TSPEAR: variants seen among roughly 807,000 people sequenced by gnomAD.
TSPEAR encodes the protein thrombospondin-type laminin G domain and EAR repeat-containing protein.
TSPEAR carries 69 observed loss-of-function variants against 71.6 expected under a neutral mutation model. The observed-to-expected ratio is 0.96, with a 90% CI of 0.79 to 1.18. The LOEUF (loss-of-function observed/expected upper bound fraction) is 1.18, where lower values mean the gene tolerates loss of function less well. Among genes scored for constraint, TSPEAR ranks in the 50% most tolerant of loss-of-function variants. TSPEAR has a pLI of 0.00. For missense variants in TSPEAR, 971 were observed against 894.9 expected, an observed-to-expected ratio of 1.09 and a Z score of -1.09; for synonymous variants, 402 against 387.2, an observed-to-expected ratio of 1.04 and a Z score of -0.45.
At chr21:44,502,234 C>T (rs1237214438) in intron 11 of TSPEAR, among the ~76,000 whole-genome samples, 4 of 152,144 alleles carry the variant, frequency 2.6e-5, no homozygotes, top group South Asian at 2.1e-4. Context: ...CAGATGTGCT[C>T]GTTAAATTAG....
intron 1 of TSPEAR, among the ~76,000 whole-genome samples, chr21:44,707,310 G>GGGT (rs1286518160): frequency 7.9e-5 from 12 of 151,926 alleles, no homozygotes; most frequent in Non-Finnish European, 1.5e-4. Context: ...GGTGGGGGGG[G>GGGT]GTGCGGGGAG....
intron 2 of TSPEAR, among the ~76,000 whole-genome samples, chr21:44,564,685 T>A (rs2053680064): frequency 6.6e-6 from 1 of 152,132 alleles, no homozygotes; most frequent in Admixed American, 6.5e-5. Flanking sequence ...ACAATATTAA[T>A]TGAATAGTTC....
chr21:44,706,794 G>A (rs1275970163), intron 1 of TSPEAR, among the ~76,000 whole-genome samples: 2 of 152,114 alleles, frequency 1.3e-5, no homozygotes, highest in Non-Finnish European at 2.9e-5. Flanking sequence ...TTTTTCTTCG[G>A]CGCCCCTGAG....
intron 9 of TSPEAR, chr21:44,519,600 C>T (rs1401205485): frequency 1.3e-5 from 2 of 152,762 alleles, no homozygotes; most frequent in South Asian, 2.1e-4. Context: ...CAGCCCAGGA[C>T]ACCCTTGTAG....
In TSPEAR at chr21:44,504,811, G is replaced by A. The variant is rs377118806; in HGVS notation, c.1825C>T (p.Arg609Cys). The A allele has an allele frequency of 5.6e-5, 91 of 1,613,692 alleles. No individual in the cohort carries two copies. In the African/African-American group the frequency reaches 6.7e-4, roughly 12 times the overall value. ...ATAATACTGTTCACCGAGAAGGTAC[G>A]CCCATCGAAGGAGTTGGCCACCACC... ...FLVVANSFDGRTFSVNSIIYR... is the reference protein window; with the variant it reads ...FLVVANSFDGCTFSVNSIIYR... The change falls in exon 11 of 12, where the codon CGT becomes TGT. Residue 609 changes from arginine to cysteine, a missense_variant. Coordinates refer to ENST00000323084, the MANE Select transcript of TSPEAR (RefSeq NM_144991.3).
chr21:44,617,019 C>T (rs1021368203), intron 1 of TSPEAR, among the ~76,000 whole-genome samples: 1 of 152,180 alleles, frequency 6.6e-6, no homozygotes, highest in Non-Finnish European at 1.5e-5. Context: ...TGCTAGAAAA[C>T]ACACATGGGG....
chr21:44,627,331 T>TGTGCTG lies in TSPEAR; in HGVS notation c.83-59327_83-59326insCAGCAC. On this transcript the variant is annotated intron_variant, in intron 1 of 11. Coordinates refer to ENST00000323084, the MANE Select transcript of TSPEAR (RefSeq NM_144991.3). ...GGTCTGCACCCCAGTGAGCCGTGTA[T>TGTGCTG]CCAGCCCCTGCTGCCAGGTGACCTG... The TGTGCTG allele has an allele frequency of 1.9e-6, 3 of 1,613,154 alleles. No individual in the cohort carries two copies. In the African/African-American group the frequency reaches 4.0e-5, roughly 22 times the overall value.
intron 1 of TSPEAR, among the ~76,000 whole-genome samples, chr21:44,704,244 A>ACCC (rs1219564128): frequency 3.5e-5 from 4 of 113,330 alleles, no homozygotes; most frequent in African/African-American, 1.1e-4. Flanking sequence ...TTCCCTGGGT[A>ACCC]CCCCACCCCC....
chr21:44,597,347 G>C (rs1304824790), intron 1 of TSPEAR, among the ~76,000 whole-genome samples: 1 of 151,498 alleles, frequency 6.6e-6, no homozygotes, highest in African/African-American at 2.4e-5. Context: ...AGTCACACTA[G>C]CATTTTAGTT....
intron 1 of TSPEAR, among the ~76,000 whole-genome samples, chr21:44,691,359 CT>C (rs1225498450): frequency 1.3e-5 from 2 of 152,096 alleles, no homozygotes; most frequent in African/African-American, 4.8e-5. Context: ...TCACAGCTGA[CT>C]TTCTCTATAA....
chr21:44,590,710 G>A (rs1353575541), intron 1 of TSPEAR, among the ~76,000 whole-genome samples: 1 of 152,140 alleles, frequency 6.6e-6, no homozygotes, highest in Non-Finnish European at 1.5e-5. Flanking sequence ...GCCCCGGGTG[G>A]GCTACCCCAG....
At position 44,711,439 on chromosome 21, in the gene TSPEAR, A is replaced by G. The variant is rs781836712; in HGVS notation, c.76T>C (p.Cys26Arg). The change falls in exon 1 of 12, where the codon TGC becomes CGC. Residue 26 changes from cysteine (C) to arginine (R), a missense_variant. Cys to Arg is a radical substitution (Grantham distance 180). Transcript: ENST00000323084. This position sits in a 1 kb window ranked among gnomAD's most constrained non-coding sequence, Gnocchi z 4.5. The part of the protein sequence containing the change: ...PGHGTQGWEP[C>R]TDLRPLDILA... ...TCCCATGCCCCTGCCTTACCTGTGC[A>G]GGGCTCCCAACCCTGCGTGCCGTGG... The G allele has an allele frequency of 6.2e-7, 1 of 1,604,068 alleles. No homozygotes were observed. The highest frequency in any genetic ancestry group is 1.1e-5 in the South Asian group (1 of 89,334).
At chr21:44,599,445 C>T (rs1470621955) in intron 1 of TSPEAR, among the ~76,000 whole-genome samples, 1 of 152,182 alleles carries the variant, frequency 6.6e-6, no homozygotes, top group Non-Finnish European at 1.5e-5. Flanking sequence ...GAGCCCTCTC[C>T]CCTGGGTAGG....
At chr21:44,527,186 C>T (rs782747238) in intron 7 of TSPEAR, 106 bp downstream of exon 7, 211 of 1,057,912 alleles carry the variant, frequency 2.0e-4, no homozygotes, top group Admixed American at 5.6e-4. Flanking sequence ...GAGGTGACAC[C>T]GTGAGAAACT....
At chr21:44,566,095 G>A (rs764098904) in intron 2 of TSPEAR, among the ~76,000 whole-genome samples, 31 of 152,098 alleles carry the variant, frequency 2.0e-4, no homozygotes, top group Non-Finnish European at 3.2e-4. Flanking sequence ...CGGGAGAATC[G>A]CTTGAACCCA....
At chr21:44,574,388 G>T (rs782446013) in intron 1 of TSPEAR, 2 of 1,602,512 alleles carry the variant, frequency 1.2e-6, no homozygotes, top group East Asian at 2.3e-5. Flanking sequence ...CGTGCTGCCA[G>T]CAGTCTAGCT....
intron 1 of TSPEAR, among the ~76,000 whole-genome samples, chr21:44,568,211 C>G (rs1488212031): frequency 1.3e-5 from 2 of 152,206 alleles, no homozygotes; most frequent in African/African-American, 4.8e-5. Flanking sequence ...CCCCCCACCC[C>G]TCCTCCTGCT....
At chr21:44,635,205 G>T (rs376573380) in intron 1 of TSPEAR, among the ~76,000 whole-genome samples, 27 of 152,086 alleles carry the variant, frequency 1.8e-4, no homozygotes, top group Admixed American at 1.2e-3. Flanking sequence ...AATTAGCTGG[G>T]TGTGGTGGTG....
chr21:44,529,190 A>C (rs189868129), intron 5 of TSPEAR, among the ~76,000 whole-genome samples: 14 of 152,174 alleles, frequency 9.2e-5, no homozygotes, highest in Non-Finnish European at 2.1e-4. Context: ...TCTCCACCTC[A>C]CTGCCCCTCG....
Sources: allele counts gnomAD v4.1 joint callset (sites outside exome capture counted in the v4.1 genomes callset), GRCh38; gene constraint gnomAD v4.1.1; non-coding constraint Gnocchi (gnomAD v3.1); transcripts MANE v1.5; gene names NCBI Gene and HGNC (gene_info 2026-07-23, HGNC 2026-07-21).